Variants in ENPP6 observed in about 807,000 individuals in gnomAD.
ENPP6 encodes ectonucleotide pyrophosphatase/phosphodiesterase 6.
A neutral mutation model predicts 42.0 loss-of-function variants in ENPP6; 32 were observed. That is an observed-to-expected ratio of 0.76 (90% confidence interval 0.58 to 1.02). ENPP6 has a LOEUF of 1.02. ENPP6 is among the 50% of genes least tolerant of loss of function. The probability of loss-of-function intolerance (pLI) is 0.00; values close to 1 mark genes in which losing one functional copy is unlikely to be tolerated. For missense variants in ENPP6, 552 were observed against 566.8 expected (o/e 0.97, Z 0.27); for synonymous variants, 213 against 216.0 (o/e 0.99, Z 0.12).
intron 7 of ENPP6, among the ~76,000 whole-genome samples, chr4:184,092,401 T>G (rs371465444): frequency 1.3e-5 from 2 of 152,158 alleles, no homozygotes; most frequent in African/African-American, 4.8e-5. Context: ...CTCTGAGCGA[T>G]CTAATGGAGA....
At chr4:184,185,358 C>A (rs1473050629) in intron 1 of ENPP6, among the ~76,000 whole-genome samples, 1 of 152,150 alleles carries the variant, frequency 6.6e-6, no homozygotes, top group Non-Finnish European at 1.5e-5. Context: ...GAAACAACAT[C>A]CCACGGGCAA....
intron 3 of ENPP6, among the ~76,000 whole-genome samples, chr4:184,118,670 G>C (rs1172429314): frequency 1.3e-5 from 2 of 152,220 alleles, no homozygotes; most frequent in Non-Finnish European, 1.5e-5. Flanking sequence ...GAGACCTCTT[G>C]CCTGTCTGGA....
intron 1 of ENPP6, among the ~76,000 whole-genome samples, chr4:184,186,786 C>T (rs1213088524): frequency 6.6e-6 from 1 of 152,190 alleles, no homozygotes; most frequent in Non-Finnish European, 1.5e-5. Flanking sequence ...GGGCTGAAGT[C>T]TCCTACAGGC....
chr4:184,170,416 T>G (rs1737441905), intron 1 of ENPP6, among the ~76,000 whole-genome samples: 1 of 144,042 alleles, frequency 6.9e-6, no homozygotes, highest in African/African-American at 2.6e-5. Context: ...AGTGACAGAG[T>G]GAGACTCTGT....
At chr4:184,101,221 G>A (rs1383346894) in intron 6 of ENPP6, among the ~76,000 whole-genome samples, 1 of 151,882 alleles carries the variant, frequency 6.6e-6, no homozygotes, top group South Asian at 2.1e-4. Context: ...ATGAGTGTAA[G>A]CATGTGTGTG....
At position 184,091,147 on chromosome 4, in the gene ENPP6, G is replaced by A. The variant is rs936465824; in HGVS notation, c.*30C>T. On this transcript the variant is annotated 3_prime_UTR_variant, in exon 8 of 8. Coordinates refer to ENST00000296741, the MANE Select transcript of ENPP6 (RefSeq NM_153343.4). ...TTTGGAGGCCCACTTTGCTGATGGTGTTTTTTTCTGAGACAAGCAATATGA... is the reference window on the plus strand; with the variant it reads ...TTTGGAGGCCCACTTTGCTGATGGTATTTTTTTCTGAGACAAGCAATATGA... 4 of 1,500,238 alleles carry A rather than the reference G, an allele frequency of 2.7e-6. No homozygotes were observed. Among genetic ancestry groups the A allele is most frequent in the Non-Finnish European group, 3.6e-6 (4 of 1,125,650 alleles). The allele number at this position is 1,500,238 out of a possible 1,614,324, so 92.9% of individuals were successfully genotyped here. A position where few individuals can be genotyped will look rare whatever the true frequency, so the allele number is the denominator to read the frequency against.
intron 6 of ENPP6, among the ~76,000 whole-genome samples, chr4:184,108,571 G>A (rs1467970399): frequency 6.6e-6 from 1 of 152,156 alleles, no homozygotes; most frequent in Non-Finnish European, 1.5e-5. Context: ...ACTTGTTTTG[G>A]GGATTTCTCA....
chr4:184,117,152 C>A (rs1033444038), intron 4 of ENPP6, 117 bp from the exon 5 acceptor site: 7 of 1,288,410 alleles, frequency 5.4e-6, no homozygotes, highest in African/African-American at 4.4e-5. Flanking sequence ...TGTGTTTAAT[C>A]TTCTACTATT....
chr4:184,165,986 A>T (rs1378034034), intron 1 of ENPP6, among the ~76,000 whole-genome samples: 1 of 152,236 alleles, frequency 6.6e-6, no homozygotes, highest in Non-Finnish European at 1.5e-5. Context: ...CTTTCATATA[A>T]CTACTTTATA....
chr4:184,104,880 G>A (rs1057242438), intron 6 of ENPP6, among the ~76,000 whole-genome samples: 4 of 152,186 alleles, frequency 2.6e-5, no homozygotes, highest in Non-Finnish European at 4.4e-5. Context: ...CCTCCACTCC[G>A]GCAAGGCAGA....
intron 1 of ENPP6, among the ~76,000 whole-genome samples, chr4:184,194,399 T>C (rs1732762539): frequency 6.6e-6 from 1 of 152,194 alleles, no homozygotes; most frequent in South Asian, 2.1e-4. Flanking sequence ...CGTGACAATG[T>C]TTCTGGCAGG....
Position 184,117,039 on chromosome 4 carries a change from T to C in ENPP6, c.676-4A>G. The C allele has an allele frequency of 6.2e-7, 1 of 1,614,016 alleles. No homozygotes were observed. Among genetic ancestry groups the C allele is most frequent in the Non-Finnish European group, 8.5e-7 (1 of 1,179,962 alleles). On this transcript the variant is annotated splice_region_variant and splice_polypyrimidine_tract_variant and intron_variant, in intron 4 of 7. Coordinates refer to ENST00000296741, the MANE Select transcript of ENPP6 (RefSeq NM_153343.4). ...GGCGGTCCTGCAGGCCCCGCTCCTGTGGGGTGGGAAAAGACAGTCATTACG... is the reference window on the plus strand; with the variant it reads ...GGCGGTCCTGCAGGCCCCGCTCCTGCGGGGTGGGAAAAGACAGTCATTACG...
At chr4:184,123,281 G>C (rs796130335) in intron 3 of ENPP6, among the ~76,000 whole-genome samples, 11 of 152,232 alleles carry the variant, frequency 7.2e-5, no homozygotes, top group African/African-American at 2.4e-4. Flanking sequence ...CATGTGGCTC[G>C]TGCTAGTGCT....
intron 1 of ENPP6, among the ~76,000 whole-genome samples, chr4:184,203,120 A>T (rs988672620): frequency 6.6e-6 from 1 of 151,266 alleles, no homozygotes; most frequent in Non-Finnish European, 1.5e-5. Context: ...GTGTGGGGGC[A>T]GGTGCCTGTA....
chr4:184,178,845 C>T (rs1271336451), intron 1 of ENPP6, among the ~76,000 whole-genome samples: 1 of 152,174 alleles, frequency 6.6e-6, no homozygotes, highest in Admixed American at 6.5e-5. Flanking sequence ...TCATCACCAC[C>T]AGGTCTGTGT....
chr4:184,098,454 T>C (rs1735947480), intron 6 of ENPP6, among the ~76,000 whole-genome samples: 1 of 152,106 alleles, frequency 6.6e-6, no homozygotes, highest in South Asian at 2.1e-4. Flanking sequence ...AAATCCCAAC[T>C]CCCTTTCCCA....
chr4:184,147,761 A>G (rs1406649418), intron 2 of ENPP6, among the ~76,000 whole-genome samples: 2 of 151,570 alleles, frequency 1.3e-5, no homozygotes, highest in East Asian at 3.9e-4. Context: ...TGATTGCACC[A>G]ATGCACTCTA....
chr4:184,097,789 A>G (rs1199802498), intron 6 of ENPP6, among the ~76,000 whole-genome samples: 2 of 152,168 alleles, frequency 1.3e-5, no homozygotes, highest in Non-Finnish European at 2.9e-5. Flanking sequence ...TTTCATTCAT[A>G]AGGAGCTACT....
At chr4:184,112,584 GT>G in intron 6 of ENPP6, 87 bp downstream of exon 6, 1 of 1,460,702 alleles carries the variant, frequency 6.8e-7, no homozygotes. Flanking sequence ...AATCTTTTAT[GT>G]ATAAAAACTT....
Sources: allele counts gnomAD v4.1 joint callset (sites outside exome capture counted in the v4.1 genomes callset), GRCh38; gene constraint gnomAD v4.1.1; transcripts MANE v1.5; gene names NCBI Gene and HGNC (gene_info 2026-07-23, HGNC 2026-07-21).